GPATCH1: variants seen among roughly 807,000 people sequenced by gnomAD.
The protein encoded by GPATCH1 is G patch domain-containing protein 1.
Under a neutral mutation model 114.9 loss-of-function variants are expected in GPATCH1, and 73 were observed. That is an observed-to-expected ratio of 0.64 (90% CI 0.53 to 0.77). GPATCH1 has a LOEUF of 0.77. Ranked by LOEUF, GPATCH1 falls within the 30% of genes least tolerant of loss-of-function variation. GPATCH1 has a pLI of 0.00. For synonymous variants in GPATCH1, 391 were observed against 428.4 expected, an observed-to-expected ratio of 0.91 and a Z score of 1.08; for missense variants, 1,058 against 1,144.3, an observed-to-expected ratio of 0.92 and a Z score of 1.09.
intron 1 of GPATCH1, among the ~76,000 whole-genome samples, chr19:33,084,030 G>T (rs1369805375): frequency 1.3e-5 from 2 of 152,002 alleles, no homozygotes; most frequent in Non-Finnish European, 2.9e-5. Context: ...GGCTGGACTC[G>T]AACTTCTGAC....
chr19:33,119,646 C>T (rs977693198), intron 17 of GPATCH1, among the ~76,000 whole-genome samples: 3 of 149,930 alleles, frequency 2.0e-5, no homozygotes, highest in Non-Finnish European at 4.4e-5. Flanking sequence ...TGCAGTGAGC[C>T]GATATTGCAC....
At chr19:33,088,095 C>G (rs2145301442) in intron 1 of GPATCH1, 39 bp from the exon 2 acceptor site, 2 of 1,305,274 alleles carry the variant, frequency 1.5e-6, no homozygotes, top group Non-Finnish European at 1.0e-6. Flanking sequence ...CATCTCCTCT[C>G]TTTTTCATTT....
At chr19:33,108,757 A>G (rs1473477512) in intron 10 of GPATCH1, among the ~76,000 whole-genome samples, 3 of 152,018 alleles carry the variant, frequency 2.0e-5, no homozygotes, top group African/African-American at 7.3e-5. Context: ...GCTGGCACTC[A>G]TGAGTGTTTG....
chr19:33,086,860 G>C (rs1308633314), intron 1 of GPATCH1, among the ~76,000 whole-genome samples: 1 of 151,794 alleles, frequency 6.6e-6, no homozygotes, highest in Admixed American at 6.6e-5. Context: ...TGTAATCCCA[G>C]CTACTTGGGA....
Position 33,117,839 on chromosome 19 carries a change from T to C in GPATCH1, c.2211T>C (p.Asp737=). Residue 737 remains aspartate, a synonymous_variant, in exon 16 of 20, where the codon GAT becomes GAC. Coordinates refer to ENST00000170564, the MANE Select transcript of GPATCH1 (RefSeq NM_018025.3). Reference sequence around the variant, plus strand: ...TGTCAATACAGACCGTCAACAAAGATGTGGACGCACAGGCTGAAGGAGAAG... The same window carrying C: ...TGTCAATACAGACCGTCAACAAAGACGTGGACGCACAGGCTGAAGGAGAAG... ...ELSANQTVNK[D]VDAQAEGEGS... 6.2e-7 allele frequency: 1 copy of C among 1,613,152 alleles called. No individual in the cohort carries two copies. Among genetic ancestry groups the C allele is most frequent in the Non-Finnish European group, 8.5e-7 (1 of 1,179,526 alleles).
chr19:33,121,320 C>CTT lies in GPATCH1; in HGVS notation c.2521+2218_2521+2219dup, dbSNP rs534893516. ...TGTCTTTTTCTTTTTCTTTTCTTTTCTTTTTTTTTTTTTTTTGAGATGGAG... is the reference window on the plus strand; with the variant it reads ...TGTCTTTTTCTTTTTCTTTTCTTTTCTTTTTTTTTTTTTTTTTTGAGATGGAG... On this transcript the variant is annotated intron_variant, in intron 17 of 19. Transcript: ENST00000170564. Among the ~76,000 whole-genome samples, 86 of 124,522 alleles carry CTT rather than the reference C, an allele frequency of 6.9e-4. 2 individuals are homozygous for CTT. The South Asian group carries it at 8.6e-3, about 12-fold the overall frequency. 81.7% of individuals were successfully genotyped at this position (124,522 alleles called of 152,430 possible). A position where few individuals can be genotyped will look rare whatever the true frequency, so the allele number is the denominator to read the frequency against.
chr19:33,083,161 G>C (rs545506603), intron 1 of GPATCH1, among the ~76,000 whole-genome samples: 1 of 148,582 alleles, frequency 6.7e-6, no homozygotes, highest in Non-Finnish European at 1.5e-5. Flanking sequence ...GGAGAATGGC[G>C]TGAGACTGGG....
In GPATCH1 at chr19:33,089,103, G is replaced by T. The variant is rs113361256; in HGVS notation, c.208+835G>T. ...AAAAATGCATACCTCCTAATCAGAT[G>T]ATTAAATGATAATAATGACTTTGGT... is the stretch of plus-strand genomic sequence containing the variant. On this transcript the variant is annotated intron_variant, in intron 2 of 19. Coordinates refer to ENST00000170564, the MANE Select transcript of GPATCH1 (RefSeq NM_018025.3). Among the ~76,000 whole-genome samples the T allele has an allele frequency of 3.3e-3, 507 of 152,288 alleles. 3 individuals carry two copies. Among genetic ancestry groups the T allele is most frequent in the African/African-American group, 0.012 (482 of 41,554 alleles).
At chr19:33,097,993 C>CT in intron 8 of GPATCH1, 91 bp downstream of exon 8, 1 of 1,194,580 alleles carries the variant, frequency 8.4e-7, no homozygotes, top group East Asian at 2.3e-5. Flanking sequence ...GCACCAGCCT[C>CT]TGTTGTTGGT....
rs779820798 is a variant in GPATCH1 at position 33,111,826 on chromosome 19, C to T, written c.1688C>T (p.Ser563Leu). 4.2e-5 allele frequency: 67 copies of T among 1,614,092 alleles called. No homozygotes were observed. Among genetic ancestry groups the T allele is most frequent in the East Asian group, 1.6e-4 (7 of 44,874 alleles). ...RAALLYASSH[S>L]TLSSRFTHAK... is the part of the protein sequence containing the mutation. The stretch of plus-strand genomic sequence containing the variant: ...GCCCTGCTGTACGCATCTTCCCATT[C>T]GACCTTGTCCTCCAGGTTCACTCAC... Residue 563 changes from serine to leucine, a missense_variant, in exon 12 of 20, where the codon TCG (serine) becomes TTG (leucine). Around this residue, in one of 3 missense-constraint regions of GPATCH1, gnomAD observed 893 missense variants for 977.4 expected, o/e 0.91. Transcript: ENST00000170564.
In GPATCH1 at chr19:33,081,204, G is replaced by A. The variant is rs1478626098; in HGVS notation, c.11G>A (p.Arg4Gln). 2 of 1,551,278 alleles carry A rather than the reference G, an allele frequency of 1.3e-6. No individual in the cohort carries two copies. Among genetic ancestry groups the A allele is most frequent in the African/African-American group, 2.7e-5 (2 of 73,066 alleles). MAA[R>Q]DSDSEEDLVS... ...GCCCGGAAGAGCAGGATGGCGGCGCGGGACAGTGACAGCGAAGAAGATCTG... is the reference window on the plus strand; with the variant it reads ...GCCCGGAAGAGCAGGATGGCGGCGCAGGACAGTGACAGCGAAGAAGATCTG... The change falls in exon 1 of 20, where the codon CGG (arginine) becomes CAG (glutamine). Residue 4 changes from arginine (R) to glutamine (Q), a missense_variant. Arg to Gln is a conservative substitution (Grantham distance 43). Around this residue, in one of 3 missense-constraint regions of GPATCH1, gnomAD observed 131 missense variants for 107.2 expected, o/e 1.22. Transcript: ENST00000170564.
intron 1 of GPATCH1, among the ~76,000 whole-genome samples, chr19:33,081,710 A>G (rs1215884034): frequency 1.3e-5 from 2 of 152,120 alleles, no homozygotes; most frequent in Non-Finnish European, 2.9e-5. Flanking sequence ...GGCAGGCAGG[A>G]CGGGTATGGT....
Position 33,104,923 on chromosome 19 carries a change from G to T in GPATCH1, c.1081-1772G>T, listed in dbSNP as rs865909265. 5.3e-5 allele frequency among the ~76,000 whole-genome samples: 8 copies of T among 152,270 alleles called. No homozygotes were observed. In the South Asian group the frequency reaches 1.7e-3, roughly 32 times the overall value. On this transcript the variant is annotated intron_variant, in intron 9 of 19. Coordinates refer to ENST00000170564, the MANE Select transcript of GPATCH1 (RefSeq NM_018025.3). Reference sequence around the variant, plus strand: ...AGAGCAAGGGAGACCATTTAATGCAGTTATTTAACAATATTTAGTACTTTC... The same window carrying T: ...AGAGCAAGGGAGACCATTTAATGCATTTATTTAACAATATTTAGTACTTTC...
intron 17 of GPATCH1, among the ~76,000 whole-genome samples, chr19:33,121,305 T>TTTTTC (rs200495117): frequency 0.13 from 19,023 of 141,962 alleles, 1,554 homozygotes; most frequent in East Asian, 0.32. Flanking sequence ...TGTCTTTTTC[T>TTTTTC]TTTTCTTTTC....
intron 15 of GPATCH1, among the ~76,000 whole-genome samples, chr19:33,116,103 AT>A (rs1972913716): frequency 6.6e-6 from 1 of 151,914 alleles, no homozygotes. Flanking sequence ...TCTACTGAGA[AT>A]TAAATGTTTT....
chr19:33,115,225 ATTTTTTTTTTTTTTTTTT>A (rs71176196), intron 15 of GPATCH1, among the ~76,000 whole-genome samples: 1 of 56,860 alleles, frequency 1.8e-5, no homozygotes, highest in Non-Finnish European at 3.0e-5. Context: ...TGCCTGGCTA[ATTTTTTTTTTTTTTTTTT>A]TTTTTTTTTT....
intron 19 of GPATCH1, among the ~76,000 whole-genome samples, chr19:33,129,765 G>A (rs1399205541): frequency 1.3e-5 from 2 of 152,108 alleles, no homozygotes; most frequent in African/African-American, 4.8e-5. Flanking sequence ...CCAACATGGT[G>A]AAACCCCATC....
chr19:33,097,606 G>C, intron 7 of GPATCH1, 149 bp from the exon 8 acceptor site: 1 of 684,814 alleles, frequency 1.5e-6, no homozygotes, highest in Non-Finnish European at 2.5e-6. Flanking sequence ...TGTGTGTGTT[G>C]GTCGATCTGG....
chr19:33,118,171 A>T, intron 16 of GPATCH1, 130 bp downstream of exon 16: 3 of 440,590 alleles, frequency 6.8e-6, no homozygotes, highest in Non-Finnish European at 1.1e-5. Flanking sequence ...TTTTATATGT[A>T]TATAATTTTT....
Sources: allele counts gnomAD v4.1 joint callset (sites outside exome capture counted in the v4.1 genomes callset), GRCh38; gene constraint gnomAD v4.1.1; regional missense constraint gnomAD v4.1.1; transcripts MANE v1.5; gene names NCBI Gene and HGNC (gene_info 2026-07-23, HGNC 2026-07-21).